The following SLCO6A1 variants were observed in gnomAD, a reference collection of about 807,000 sequenced individuals.
SLCO6A1 encodes solute carrier organic anion transporter family member 6A1.
A neutral mutation model predicts 72.7 loss-of-function variants in SLCO6A1; 65 were observed. The ratio of observed to expected loss-of-function variants is 0.89; its 90% CI spans 0.73 to 1.10. SLCO6A1 has a LOEUF of 1.10. SLCO6A1 is among the 50% of genes least tolerant of loss of function. SLCO6A1 has a pLI of 0.00. For synonymous variants in SLCO6A1, 314 were observed against 298.2 expected (o/e 1.05, Z -0.55); for missense variants, 874 against 872.6 (o/e 1.00, Z -0.02).
chr5:102,434,510 A>C (rs1446691582), intron 7 of SLCO6A1, among the ~76,000 whole-genome samples: 2 of 152,194 alleles, frequency 1.3e-5, no homozygotes, highest in Non-Finnish European at 2.9e-5. Context: ...GTGAGTCATA[A>C]ACTTTATTTC....
At chr5:102,437,145 A>G (rs927239675) in intron 7 of SLCO6A1, among the ~76,000 whole-genome samples, 1 of 152,140 alleles carries the variant, frequency 6.6e-6, no homozygotes, top group African/African-American at 2.4e-5. Flanking sequence ...ATAGGGCAAA[A>G]TTTGTCTGTG....
At chr5:102,385,822 T>C (rs890475556) in intron 12 of SLCO6A1, among the ~76,000 whole-genome samples, 3 of 132,932 alleles carry the variant, frequency 2.3e-5, no homozygotes, top group Non-Finnish European at 3.2e-5. Context: ...TTCTCCTGTT[T>C]TTCCTTTTTT....
chr5:102,408,608 G>A (rs780645774), intron 9 of SLCO6A1, among the ~76,000 whole-genome samples: 14 of 151,998 alleles, frequency 9.2e-5, no homozygotes, highest in Admixed American at 3.3e-4. Context: ...GAGGAGTAGC[G>A]GGAATCACTG....
At chr5:102,416,732 A>C (rs1196471440) in intron 8 of SLCO6A1, among the ~76,000 whole-genome samples, 2 of 151,696 alleles carry the variant, frequency 1.3e-5, no homozygotes, top group East Asian at 3.8e-4. Flanking sequence ...AATTTATGTA[A>C]ATAAAAAATA....
At chr5:102,485,583 G>C (rs1752413387) in intron 1 of SLCO6A1, among the ~76,000 whole-genome samples, 2 of 152,198 alleles carry the variant, frequency 1.3e-5, no homozygotes, top group Admixed American at 6.5e-5. Context: ...GCTCACGTAA[G>C]CTTCCCTGGT....
At chr5:102,395,136 C>T (rs986068546) in intron 10 of SLCO6A1, among the ~76,000 whole-genome samples, 1 of 152,006 alleles carries the variant, frequency 6.6e-6, no homozygotes, top group African/African-American at 2.4e-5. Context: ...GTGTGATGCA[C>T]CCATTAACTC....
intron 4 of SLCO6A1, among the ~76,000 whole-genome samples, chr5:102,467,269 A>G (rs1298265545): frequency 6.6e-6 from 1 of 152,122 alleles, no homozygotes; most frequent in Non-Finnish European, 1.5e-5. Context: ...ATACAAAAAC[A>G]TTATCCTGGT....
chr5:102,379,748 T>C (rs1176538107), intron 12 of SLCO6A1, among the ~76,000 whole-genome samples: 1 of 145,980 alleles, frequency 6.9e-6, no homozygotes, highest in Non-Finnish European at 1.5e-5. Context: ...GCTTTCCATA[T>C]GAATTTTAGT....
At chr5:102,488,166 A>G (rs1752524083) in intron 1 of SLCO6A1, among the ~76,000 whole-genome samples, 1 of 152,184 alleles carries the variant, frequency 6.6e-6, no homozygotes, top group South Asian at 2.1e-4. Context: ...TATAATGATA[A>G]AGAGTATAAT....
chr5:102,462,796 A>C (rs898020350), intron 4 of SLCO6A1, among the ~76,000 whole-genome samples: 1 of 152,238 alleles, frequency 6.6e-6, no homozygotes, highest in African/African-American at 2.4e-5. Context: ...TCAAAGACTT[A>C]AATTTAAGAC....
chr5:102,376,166 C>G (rs1478229488), intron 12 of SLCO6A1, among the ~76,000 whole-genome samples: 3 of 152,062 alleles, frequency 2.0e-5, no homozygotes, highest in African/African-American at 7.2e-5. Context: ...CCGAGAGTTA[C>G]AGGATTCTAT....
intron 12 of SLCO6A1, 56 bp downstream of exon 12, chr5:102,388,632 C>A: frequency 8.0e-7 from 1 of 1,248,374 alleles, no homozygotes; most frequent in Non-Finnish European, 1.1e-6. Context: ...CTATTAACAA[C>A]CATAACTTTT....
At chr5:102,374,074 G>A (rs1317913300) in intron 12 of SLCO6A1, among the ~76,000 whole-genome samples, 1 of 146,354 alleles carries the variant, frequency 6.8e-6, no homozygotes, top group African/African-American at 2.5e-5. Context: ...GTCTCACTCT[G>A]TCACCCAGGC....
At chr5:102,462,342 C>A (rs1015274672) in intron 4 of SLCO6A1, among the ~76,000 whole-genome samples, 7 of 152,096 alleles carry the variant, frequency 4.6e-5, no homozygotes, top group Non-Finnish European at 1.0e-4. Context: ...ATGCAATTTC[C>A]ATCAAAGTAC....
chr5:102,408,601 G>A (rs115791207), intron 9 of SLCO6A1, among the ~76,000 whole-genome samples: 249 of 152,196 alleles, frequency 1.6e-3, no homozygotes, highest in African/African-American at 5.6e-3. Context: ...GGGGAATGAG[G>A]AGTAGCGGGA....
intron 9 of SLCO6A1, among the ~76,000 whole-genome samples, chr5:102,409,722 G>T (rs774178324): frequency 6.6e-6 from 1 of 152,020 alleles, no homozygotes; most frequent in Non-Finnish European, 1.5e-5. Flanking sequence ...CTATTTTGTG[G>T]ATTATTTCTA....
chr5:102,490,227 A>G (rs908159209), intron 1 of SLCO6A1, among the ~76,000 whole-genome samples: 1 of 152,184 alleles, frequency 6.6e-6, no homozygotes, highest in Non-Finnish European at 1.5e-5. Flanking sequence ...ATACTTCAAA[A>G]TAGCTATAAG....
At chr5:102,373,682 AAT>A (rs1447435523) in intron 12 of SLCO6A1, among the ~76,000 whole-genome samples, 188 bp from the exon 13 acceptor site, 1 of 91,932 alleles carries the variant, frequency 1.1e-5, no homozygotes, top group Non-Finnish European at 2.7e-5. Flanking sequence ...AAATGTTTAT[AAT>A]ATGTTTTAGA....
intron 11 of SLCO6A1, among the ~76,000 whole-genome samples, chr5:102,389,456 C>CCCCCCA (rs376461607): frequency 3.7e-5 from 3 of 81,956 alleles, no homozygotes; most frequent in Admixed American, 1.3e-4. Context: ...CCCCCCACCC[C>CCCCCCA]CACACACACA....
Sources: gnomAD v4.1 joint callset for allele counts (sites outside exome capture counted in the v4.1 genomes callset) on GRCh38, gnomAD v4.1.1 for gene constraint, MANE v1.5 for transcripts, NCBI Gene and HGNC (gene_info 2026-07-23, HGNC 2026-07-21) for gene names.